EYS: variants seen among roughly 807,000 people sequenced by gnomAD.
EYS encodes the protein EGF-like photoreceptor maintenance factor.
Under a neutral mutation model 282.1 loss-of-function variants are expected in EYS, and 250 were observed. The observed-to-expected ratio is 0.89, with a 90% CI of 0.80 to 0.98. The LOEUF (loss-of-function observed/expected upper bound fraction) is 0.98, where lower values mean the gene tolerates loss of function less well. EYS is among the 50% of genes least tolerant of loss of function. The pLI is 0.00. For missense variants in EYS, 4,016 were observed against 3,709.0 expected (o/e 1.08, Z -2.15); for synonymous variants, 1,355 against 1,282.9 (o/e 1.06, Z -1.20).
intron 8 of EYS, among the ~76,000 whole-genome samples, chr6:65,361,936 G>T (rs1263421152): frequency 6.6e-6 from 1 of 152,116 alleles, no homozygotes; most frequent in Admixed American, 6.6e-5. Flanking sequence ...TTTCATGATT[G>T]TGAAGAAATG....
rs556700653 is a variant in EYS, at chr6:63,760,743, C to A, written c.8071+1718G>T. Among the ~76,000 whole-genome samples the A allele has an allele frequency of 1.0e-3, 156 of 151,616 alleles. 2 individuals are homozygous for A. The Middle Eastern group carries it at 0.024, about 23-fold the overall frequency. ...ATCCATTCATCTATCTTCATCTGCC[C>A]TCTATATAATCTATTTATATACATC... is the stretch of plus-strand genomic sequence containing the variant. On this transcript the variant is annotated intron_variant, in intron 41 of 42. Coordinates refer to ENST00000503581, the MANE Select transcript of EYS (RefSeq NM_001142800.2).
intron 18 of EYS, among the ~76,000 whole-genome samples, chr6:64,889,762 C>T (rs1180839072): frequency 1.3e-5 from 2 of 151,912 alleles, no homozygotes; most frequent in East Asian, 3.9e-4. Context: ...AGATGTATGT[C>T]GCCTCAGGAC....
chr6:64,687,453 C>A (rs1770197253), intron 22 of EYS, among the ~76,000 whole-genome samples: 1 of 152,174 alleles, frequency 6.6e-6, no homozygotes, highest in South Asian at 2.1e-4. Context: ...TTGTTGAAGG[C>A]CTTTTCTGCA....
At chr6:65,647,808 TCAAA>T (rs1767504869) in intron 1 of EYS, among the ~76,000 whole-genome samples, 1 of 151,894 alleles carries the variant, frequency 6.6e-6, no homozygotes, top group Admixed American at 6.6e-5. Context: ...TACAAAGAAC[TCAAA>T]CAAATCAGTG....
At chr6:64,051,955 C>G (rs183792902) in intron 33 of EYS, among the ~76,000 whole-genome samples, 1 of 150,944 alleles carries the variant, frequency 6.6e-6, no homozygotes, top group East Asian at 2.0e-4. Flanking sequence ...TCTAGTTGTT[C>G]TAACTTTCTC....
rs145166216 is a variant in EYS, at chr6:64,623,583, T to C, written c.3568+2538A>G. 7.6e-3 allele frequency among the ~76,000 whole-genome samples: 1,157 copies of C among 152,214 alleles called. 14 individuals carry two copies. The highest frequency in any genetic ancestry group is 0.043 in the South Asian group (207 of 4,824). On this transcript the variant is annotated intron_variant, in intron 23 of 42. Coordinates refer to ENST00000503581, the MANE Select transcript of EYS (RefSeq NM_001142800.2). The stretch of plus-strand genomic sequence containing the variant: ...CATGCCAAAGAACTCACACATTTGA[T>C]CTTCGAAATATAAAATTCATATACA...
intron 26 of EYS, among the ~76,000 whole-genome samples, chr6:64,547,829 G>A (rs1764930111): frequency 6.6e-6 from 1 of 152,192 alleles, no homozygotes; most frequent in Non-Finnish European, 1.5e-5. Flanking sequence ...CAGTGGGGAG[G>A]CTCAGGCATG....
At chr6:63,845,801 A>T (rs116353358) in intron 36 of EYS, among the ~76,000 whole-genome samples, 180 of 152,306 alleles carry the variant, frequency 1.2e-3, no homozygotes, top group African/African-American at 4.2e-3. Flanking sequence ...TGAATAACCA[A>T]AAGAGCTTTT....
chr6:64,392,162 C>T (rs1305671347), intron 28 of EYS, among the ~76,000 whole-genome samples: 1 of 148,622 alleles, frequency 6.7e-6, no homozygotes, highest in Non-Finnish European at 1.5e-5. Flanking sequence ...CTTAGACTCC[C>T]ACACATTAAT....
Position 64,910,014 on chromosome 6 carries a change from CTG to C in EYS, c.2641+2468_2641+2469del, listed in dbSNP as rs1334025324. Among the ~76,000 whole-genome samples, 4 of 152,060 alleles carry C rather than the reference CTG, an allele frequency of 2.6e-5. 1 individual carries two copies. Among genetic ancestry groups the C allele is most frequent in the Middle Eastern group, 6.3e-3 (2 of 316 alleles). ...AGAGACCCTACAGACTGACTAAAAA[CTG>C]TGAAAACAAGTTCAGAAATACATAC... is the stretch of plus-strand genomic sequence containing the variant. On this transcript the variant is annotated intron_variant, in intron 16 of 42. Transcript: ENST00000503581.
chr6:65,490,723 A>AAAG lies in EYS; in HGVS notation c.749-19_749-17dup. The AAAG allele has an allele frequency of 6.4e-7, 1 of 1,558,788 alleles. No individual in the cohort carries two copies. Among genetic ancestry groups the AAAG allele is most frequent in the Non-Finnish European group, 8.8e-7 (1 of 1,131,070 alleles). On this transcript the variant is annotated splice_polypyrimidine_tract_variant and intron_variant, in intron 4 of 42. Coordinates refer to ENST00000503581, the MANE Select transcript of EYS (RefSeq NM_001142800.2). Reference sequence around the variant, plus strand: ...CAATTCTTTCCTATAACAATGAAAAAAAGTTTTTTTTACATTGGATATCAA... The same window carrying AAAG: ...CAATTCTTTCCTATAACAATGAAAAAAAGAAGTTTTTTTTACATTGGATATCAA...
intron 33 of EYS, among the ~76,000 whole-genome samples, chr6:64,019,700 C>T (rs1177930337): frequency 4.6e-5 from 7 of 151,910 alleles, no homozygotes; most frequent in Non-Finnish European, 7.4e-5. Context: ...TGAGCCACCA[C>T]GCTCAGCCTC....
At chr6:64,344,284 T>A (rs1038789101) in intron 29 of EYS, among the ~76,000 whole-genome samples, 1 of 152,078 alleles carries the variant, frequency 6.6e-6, no homozygotes, top group Non-Finnish European at 1.5e-5. Flanking sequence ...ATATCCTTGA[T>A]GAACATTGAT....
At chr6:64,471,975 A>C (rs1481240545) in intron 26 of EYS, among the ~76,000 whole-genome samples, 3 of 123,844 alleles carry the variant, frequency 2.4e-5, no homozygotes, top group Non-Finnish European at 5.0e-5. Context: ...AAATGTTCCC[A>C]ACACAAAAAA....
At chr6:64,151,327 A>T (rs867318911) in intron 31 of EYS, among the ~76,000 whole-genome samples, 2 of 86,294 alleles carry the variant, frequency 2.3e-5, no homozygotes, top group East Asian at 3.2e-4. Context: ...TTATATATAT[A>T]TATATATATA....
intron 31 of EYS, among the ~76,000 whole-genome samples, chr6:64,135,290 A>G (rs936810581): frequency 2.0e-5 from 3 of 152,088 alleles, no homozygotes; most frequent in Admixed American, 6.6e-5. Flanking sequence ...CAAGAAATTC[A>G]GAAAGTGATT....
chr6:64,984,833 A>G (rs1770800614), intron 14 of EYS, among the ~76,000 whole-genome samples: 1 of 151,402 alleles, frequency 6.6e-6, no homozygotes, highest in South Asian at 2.1e-4. Flanking sequence ...TAGCAAAATC[A>G]GTTTCTTGTA....
rs542555658 is a variant in EYS at position 63,806,060 on chromosome 6, A to G, written c.7411+130T>C. ...GGACTACAGCGAACATGCTCAAGGC[A>G]GAAAACAGGAGGAGGCTGCATCTAG... On this transcript the variant is annotated intron_variant, in intron 37 of 42. Coordinates refer to ENST00000503581, the MANE Select transcript of EYS (RefSeq NM_001142800.2). The G allele has an allele frequency of 6.7e-5, 49 of 732,314 alleles. 2 individuals are homozygous for G. The South Asian group carries it at 9.4e-4, about 14-fold the overall frequency. 45.4% of individuals were successfully genotyped at this position (732,314 alleles called of 1,614,324 possible). A position where few individuals can be genotyped will look rare whatever the true frequency, so the allele number is the denominator to read the frequency against.
intron 31 of EYS, among the ~76,000 whole-genome samples, chr6:64,183,040 G>A (rs866481866): frequency 6.6e-6 from 1 of 152,066 alleles, no homozygotes; most frequent in Admixed American, 6.6e-5. Flanking sequence ...TGAATCATGG[G>A]GGTGGTTTCC....
Sources: gnomAD v4.1 joint callset for allele counts (sites outside exome capture counted in the v4.1 genomes callset) on GRCh38, gnomAD v4.1.1 for gene constraint, MANE v1.5 for transcripts, NCBI Gene and HGNC (gene_info 2026-07-23, HGNC 2026-07-21) for gene names.